The following HSDL2 variants were observed in gnomAD, a reference collection of about 807,000 sequenced individuals.
HSDL2 encodes the protein hydroxysteroid dehydrogenase-like protein 2.
A neutral mutation model predicts 46.3 loss-of-function variants in HSDL2; 27 were observed. The ratio of observed to expected loss-of-function variants is 0.58; its 90% CI spans 0.43 to 0.80. HSDL2 has a LOEUF of 0.80. Ranked by LOEUF, HSDL2 falls within the 30% of genes least tolerant of loss-of-function variation. HSDL2 has a pLI of 0.00. For synonymous variants in HSDL2, 153 were observed against 163.6 expected, an observed-to-expected ratio of 0.94 and a Z score of 0.50; for missense variants, 451 against 502.7, an observed-to-expected ratio of 0.90 and a Z score of 0.98.
intron 6 of HSDL2, among the ~76,000 whole-genome samples, chr9:112,434,382 C>G (rs763897693): frequency 7.2e-5 from 11 of 152,176 alleles, no homozygotes; most frequent in African/African-American, 2.7e-4. Flanking sequence ...ACTCAGCTAA[C>G]CAGGGAGGGT....
intron 1 of HSDL2, among the ~76,000 whole-genome samples, chr9:112,398,603 C>G (rs1398047648): frequency 6.6e-6 from 1 of 151,910 alleles, no homozygotes; most frequent in East Asian, 1.9e-4. Context: ...GAGAGGAAAC[C>G]TGAGGAAGAG....
chr9:112,385,682 A>G (rs1462376856), intron 1 of HSDL2, among the ~76,000 whole-genome samples: 3 of 151,214 alleles, frequency 2.0e-5, no homozygotes, highest in Admixed American at 2.0e-4. Flanking sequence ...TTTAGTAGAG[A>G]TGGAGTTTCA....
At chr9:112,417,351 C>T (rs762965302) in intron 5 of HSDL2, among the ~76,000 whole-genome samples, 6 of 151,882 alleles carry the variant, frequency 4.0e-5, no homozygotes, top group Non-Finnish European at 8.8e-5. Flanking sequence ...CAGGTATGCA[C>T]CTGTAGTCCT....
chr9:112,407,893 G>C (rs1339911403), intron 3 of HSDL2, among the ~76,000 whole-genome samples: 1 of 152,078 alleles, frequency 6.6e-6, no homozygotes, highest in Non-Finnish European at 1.5e-5. Context: ...AAGAAAAAAT[G>C]TTTGACATAG....
chr9:112,459,220 T>C (rs1833129814), intron 9 of HSDL2, among the ~76,000 whole-genome samples: 1 of 152,182 alleles, frequency 6.6e-6, no homozygotes. Context: ...CACCCTCTAC[T>C]TCCTCTTTTG....
At chr9:112,442,268 CAAAAAAAAAAA>C (rs71382431) in intron 8 of HSDL2, among the ~76,000 whole-genome samples, 21 of 47,460 alleles carry the variant, frequency 4.4e-4, no homozygotes, top group African/African-American at 1.6e-3. Flanking sequence ...GACCCTGTCT[CAAAAAAAAAAA>C]AAAAAAAAAA....
intron 4 of HSDL2, among the ~76,000 whole-genome samples, chr9:112,413,562 A>G (rs1347911372): frequency 2.0e-5 from 3 of 152,274 alleles, no homozygotes; most frequent in African/African-American, 7.2e-5. Context: ...AACTCACAGA[A>G]CACATTTCTT....
chr9:112,407,348 A>G (rs575467160), intron 3 of HSDL2, among the ~76,000 whole-genome samples: 1 of 152,330 alleles, frequency 6.6e-6, no homozygotes, highest in Non-Finnish European at 1.5e-5. Flanking sequence ...TTATCCACTA[A>G]TTTTTGGAGA....
chr9:112,444,518 G>A (rs894850129), intron 8 of HSDL2, among the ~76,000 whole-genome samples: 2 of 151,758 alleles, frequency 1.3e-5, no homozygotes, highest in Non-Finnish European at 2.9e-5. Context: ...TGGGAGGATC[G>A]CTTGAGCCCA....
At chr9:112,451,675 T>G (rs559951156) in intron 8 of HSDL2, among the ~76,000 whole-genome samples, 5 of 152,336 alleles carry the variant, frequency 3.3e-5, no homozygotes, top group Non-Finnish European at 5.9e-5. Context: ...TTCTTTTAAG[T>G]CTGCGTCTGG....
At chr9:112,460,564 C>A (rs978611063) in intron 10 of HSDL2, among the ~76,000 whole-genome samples, 2 of 152,184 alleles carry the variant, frequency 1.3e-5, no homozygotes, top group African/African-American at 4.8e-5. Flanking sequence ...GCCTGGGCAA[C>A]ATGGGGAAAC....
At chr9:112,388,172 C>CAA (rs201832602) in intron 1 of HSDL2, among the ~76,000 whole-genome samples, 1 of 149,178 alleles carries the variant, frequency 6.7e-6, no homozygotes, top group African/African-American at 2.5e-5. Flanking sequence ...AAAAAACAAA[C>CAA]AAAAAAAAAC....
chr9:112,454,796 C>G (rs1264290763), intron 9 of HSDL2, among the ~76,000 whole-genome samples: 1 of 151,798 alleles, frequency 6.6e-6, no homozygotes, highest in Non-Finnish European at 1.5e-5. Context: ...ACCTCTGCCT[C>G]CTGGGTTCAA....
intron 10 of HSDL2, among the ~76,000 whole-genome samples, chr9:112,462,633 TG>T (rs1833246651): frequency 6.6e-6 from 1 of 151,536 alleles, no homozygotes; most frequent in African/African-American, 2.4e-5. Context: ...TGTGTGTGTG[TG>T]TGTGTGTATA....
chr9:112,403,109 C>G (rs931990350), intron 1 of HSDL2, among the ~76,000 whole-genome samples: 4 of 152,160 alleles, frequency 2.6e-5, no homozygotes, highest in Non-Finnish European at 5.9e-5. Context: ...ATTCACGTAC[C>G]CCACTATGCA....
At chr9:112,403,640 A>G (rs1227587819) in intron 1 of HSDL2, among the ~76,000 whole-genome samples, 2 of 152,042 alleles carry the variant, frequency 1.3e-5, no homozygotes, top group East Asian at 3.8e-4. Flanking sequence ...TCATAATCCC[A>G]CCACTCAAAA....
At chr9:112,382,395 A>C (rs2132584800) in intron 1 of HSDL2, among the ~76,000 whole-genome samples, 1 of 152,384 alleles carries the variant, frequency 6.6e-6, no homozygotes, top group South Asian at 2.1e-4. Context: ...CAAAATAGTT[A>C]ATGATGAAAA....
At position 112,416,977 on chromosome 9, in the gene HSDL2, T is replaced by G. The variant is rs374250789; in HGVS notation, c.499+33T>G. The G allele has an allele frequency of 1.5e-4, 142 of 975,048 alleles. No individual in the cohort carries two copies. The African/African-American group carries it at 1.9e-3, about 13-fold the overall frequency. 60.4% of individuals were successfully genotyped at this position (975,048 alleles called of 1,614,324 possible). Reference sequence around the variant, plus strand: ...GTAGGTGGTAGGGTGAGGGGATGGTTTGTGCTTAATTTGTTTTGAATTAAA... The same window carrying G: ...GTAGGTGGTAGGGTGAGGGGATGGTGTGTGCTTAATTTGTTTTGAATTAAA... On this transcript the variant is annotated intron_variant, in intron 5 of 10. Transcript: ENST00000398805.
At chr9:112,399,025 A>G (rs1438275129) in intron 1 of HSDL2, among the ~76,000 whole-genome samples, 1 of 151,950 alleles carries the variant, frequency 6.6e-6, no homozygotes, top group Non-Finnish European at 1.5e-5. Flanking sequence ...GAACGTTTCT[A>G]TGCACGTACC....
Sources: allele counts gnomAD v4.1 joint callset (sites outside exome capture counted in the v4.1 genomes callset), GRCh38; gene constraint gnomAD v4.1.1; transcripts MANE v1.5; gene names NCBI Gene and HGNC (gene_info 2026-07-23, HGNC 2026-07-21).